The following CPAMD8 variants were observed in gnomAD, a reference collection of about 807,000 sequenced individuals.
CPAMD8 encodes the protein C3 and PZP-like alpha-2-macroglobulin domain-containing protein 8.
In CPAMD8, 146 loss-of-function variants were observed where a neutral mutation model predicts 224.7. The ratio of observed to expected loss-of-function variants is 0.65; its 90% CI spans 0.57 to 0.75. The LOEUF is 0.75. Ranked by LOEUF, CPAMD8 falls within the 30% of genes least tolerant of loss-of-function variation. CPAMD8 has a pLI of 0.00. For missense variants in CPAMD8, 2,301 were observed against 2,537.5 expected, an observed-to-expected ratio of 0.91 and a Z score of 2.00; for synonymous variants, 966 against 1,044.6, an observed-to-expected ratio of 0.92 and a Z score of 1.45.
chr19:17,023,556 T>A (rs2057010313), intron 1 of CPAMD8, among the ~76,000 whole-genome samples: 1 of 152,024 alleles, frequency 6.6e-6, no homozygotes, highest in Admixed American at 6.6e-5. Context: ...CATTTCAATA[T>A]TTTCTTTTTT....
At chr19:16,944,949 A>G (rs925698103) in intron 22 of CPAMD8, among the ~76,000 whole-genome samples, 3 of 152,182 alleles carry the variant, frequency 2.0e-5, no homozygotes, top group Non-Finnish European at 4.4e-5. Flanking sequence ...AGCAGCCAAG[A>G]AAAGATGAGG....
chr19:16,938,121 A>C (rs990311324), intron 23 of CPAMD8, among the ~76,000 whole-genome samples: 2 of 151,944 alleles, frequency 1.3e-5, no homozygotes, highest in African/African-American at 4.8e-5. Flanking sequence ...TGCAGTGCAC[A>C]TTCCTGTGTA....
In CPAMD8 at chr19:16,935,734, T is replaced by A. The variant is rs1027260281; in HGVS notation, c.2845+2661A>T. Among the ~76,000 whole-genome samples the A allele has an allele frequency of 5.9e-5, 9 of 152,312 alleles. No homozygotes were observed. The South Asian group carries it at 8.3e-4, about 14-fold the overall frequency. On this transcript the variant is annotated intron_variant, in intron 23 of 41. Coordinates refer to ENST00000443236, the MANE Select transcript of CPAMD8 (RefSeq NM_015692.5). ...CTATGTACAAGTTTTTGTGTGAACA[T>A]AAGTCTTTGTTTCTCTGAGATCAAT...
chr19:16,894,876 C>A, intron 41 of CPAMD8: 1 of 216,726 alleles, frequency 4.6e-6, no homozygotes, highest in South Asian at 7.8e-5. Context: ...CTATGAACAG[C>A]CATGGCACTC....
Position 16,947,142 on chromosome 19 carries a change from G to A in CPAMD8, c.2594C>T (p.Ala865Val), listed in dbSNP as rs775881900. ...CCAGATGGGCTCAGCCTCCCCGGGG[G>A]CCACACACATCTTCTTGGTCACATG... ...KRHVTKKMCV[A>V]PGEAEPIWVV... is the part of the protein sequence containing the mutation. The change falls in exon 21 of 42, where the codon GCC becomes GTC. Residue 865 changes from alanine (A) to valine (V), a missense_variant. Physicochemically the swap from Ala to Val is moderately conservative, Grantham distance 64. Transcript: ENST00000443236. The A allele has an allele frequency of 1.4e-5, 23 of 1,613,512 alleles. No homozygotes were observed. Among genetic ancestry groups the A allele is most frequent in the African/African-American group, 5.3e-5 (4 of 74,914 alleles).
chr19:16,966,342 C>A (rs929393626), intron 18 of CPAMD8, among the ~76,000 whole-genome samples: 27 of 152,152 alleles, frequency 1.8e-4, no homozygotes, highest in African/African-American at 6.5e-4. Context: ...AAAATTAATT[C>A]AAGATGGATT....
At chr19:16,988,623 A>G (rs2055828986) in intron 13 of CPAMD8, among the ~76,000 whole-genome samples, 1 of 151,988 alleles carries the variant, frequency 6.6e-6, no homozygotes, top group African/African-American at 2.4e-5. Context: ...AACAAAACAA[A>G]AAAAAAAAGA....
intron 23 of CPAMD8, among the ~76,000 whole-genome samples, chr19:16,937,499 G>A (rs1315024754): frequency 2.0e-5 from 3 of 149,120 alleles, no homozygotes; most frequent in Admixed American, 1.3e-4. Context: ...GTTTTGAGAC[G>A]GAGTCTCACT....
At chr19:17,001,342 AAAC>A (rs2056312989) in intron 9 of CPAMD8, among the ~76,000 whole-genome samples, 2 of 148,440 alleles carry the variant, frequency 1.3e-5, no homozygotes, top group East Asian at 4.3e-4. Flanking sequence ...AAAAAAAAAA[AAAC>A]AAGGATCAAC....
intron 38 of CPAMD8, 34 bp from the exon 39 acceptor site, chr19:16,897,835 G>A (rs746683978): frequency 1.9e-6 from 3 of 1,574,670 alleles, no homozygotes; most frequent in Non-Finnish European, 2.6e-6. Flanking sequence ...ACCAAGTGCA[G>A]GCGCGACGGG....
intron 19 of CPAMD8, among the ~76,000 whole-genome samples, chr19:16,954,819 C>A (rs2054413371): frequency 6.6e-6 from 1 of 151,836 alleles, no homozygotes; most frequent in South Asian, 2.1e-4. Context: ...CCCATCTCTA[C>A]TAAAATACAA....
intron 11 of CPAMD8, among the ~76,000 whole-genome samples, chr19:16,995,195 C>T (rs1240252180): frequency 6.6e-6 from 1 of 152,102 alleles, no homozygotes; most frequent in African/African-American, 2.4e-5. Flanking sequence ...AAGGAGGTTC[C>T]AAAGCAGAAC....
At chr19:16,970,810 G>T (rs2055033164) in intron 18 of CPAMD8, 81 bp downstream of exon 18, 2 of 1,315,068 alleles carry the variant, frequency 1.5e-6, no homozygotes, top group Non-Finnish European at 2.2e-6. Flanking sequence ...TTCTGTTATA[G>T]CAGCCAGGAA....
Position 16,929,044 on chromosome 19 carries a change from G to A in CPAMD8, c.3042C>T (p.Thr1014=). 1 of 1,613,766 alleles carries A rather than the reference G, an allele frequency of 6.2e-7. No individual in the cohort carries two copies. The highest frequency in any genetic ancestry group is 8.5e-7 in the Non-Finnish European group (1 of 1,179,698). ...TGGCCACGGGCTCTCCCATCTTGCTGGTGGAGATCCATGACCTGGTGTTCT... is the reference window on the plus strand; with the variant it reads ...TGGCCACGGGCTCTCCCATCTTGCTAGTGGAGATCCATGACCTGGTGTTCT... The part of the protein sequence containing the change: ...GHQNTRSWIS[T]SKMGEPVASA... Residue 1014 remains threonine (T), a synonymous_variant, in exon 24 of 42, where the codon ACC becomes ACT. Transcript: ENST00000443236.
At chr19:16,919,059 C>T (rs1454374746) in intron 27 of CPAMD8, among the ~76,000 whole-genome samples, 1 of 151,834 alleles carries the variant, frequency 6.6e-6, no homozygotes, top group African/African-American at 2.4e-5. Flanking sequence ...AAAAATTAGC[C>T]AGGCATGGTG....
At chr19:17,016,575 A>G (rs2056817668) in intron 3 of CPAMD8, among the ~76,000 whole-genome samples, 1 of 152,144 alleles carries the variant, frequency 6.6e-6, no homozygotes, top group Non-Finnish European at 1.5e-5. Context: ...ACAGTAGCCA[A>G]CATGGTGAAA....
At position 16,970,978 on chromosome 19, in the gene CPAMD8, C is replaced by A. The variant is rs1303967886; in HGVS notation, c.2126G>T (p.Gly709Val). ...DRVSLNHRQDGGLYTDEAVPA... is the reference protein window; with the variant it reads ...DRVSLNHRQDVGLYTDEAVPA... Reference sequence around the variant, plus strand: ...GACAGCCTCATCGGTGTAGAGGCCACCGTCCTGCCGGTGGTTCAGGCTCAC... The same window carrying A: ...GACAGCCTCATCGGTGTAGAGGCCAACGTCCTGCCGGTGGTTCAGGCTCAC... Residue 709 changes from glycine (G) to valine (V), a missense_variant, in exon 18 of 42, where the codon GGT becomes GTT. Physicochemically the swap from Gly to Val is moderately radical, Grantham distance 109. Transcript: ENST00000443236. 1 of 1,613,392 alleles carries A rather than the reference C, an allele frequency of 6.2e-7. No homozygotes were observed. The highest frequency in any genetic ancestry group is 8.5e-7 in the Non-Finnish European group (1 of 1,179,690).
At position 16,938,518 on chromosome 19, in the gene CPAMD8, G is replaced by C. The variant is rs1351137986; in HGVS notation, c.2794-72C>G. The C allele has an allele frequency of 8.7e-6, 7 of 802,004 alleles. No individual in the cohort carries two copies. In the East Asian group the frequency reaches 1.7e-4, roughly 19 times the overall value. The allele number at this position is 802,004 out of a possible 1,614,324, so 49.7% of individuals were successfully genotyped here. A position where few individuals can be genotyped will look rare whatever the true frequency, so the allele number is the denominator to read the frequency against. On this transcript the variant is annotated intron_variant, in intron 22 of 41. Transcript: ENST00000443236. ...GATGGTCAGCTCAGCGGAGCAGCTG[G>C]CTCTCCCACAGCAATGACTTCAAGT...
At chr19:16,929,542 CA>C (rs2053484442) in intron 23 of CPAMD8, among the ~76,000 whole-genome samples, 1 of 152,072 alleles carries the variant, frequency 6.6e-6, no homozygotes, top group Admixed American at 6.5e-5. Context: ...CTTATCTCTA[CA>C]AAAATGTTTT....
Sources: allele counts gnomAD v4.1 joint callset (sites outside exome capture counted in the v4.1 genomes callset), GRCh38; gene constraint gnomAD v4.1.1; transcripts MANE v1.5; gene names NCBI Gene and HGNC (gene_info 2026-07-23, HGNC 2026-07-21).